The following AP2M1 variants were observed in gnomAD, a reference collection of about 807,000 sequenced individuals.
AP2M1 encodes AP-2 complex subunit mu.
A neutral mutation model predicts 54.5 loss-of-function variants in AP2M1; 5 were observed. The ratio of observed to expected loss-of-function variants is 0.09; its 90% confidence interval spans 0.05 to 0.19. The LOEUF is 0.19. Among genes scored for constraint, AP2M1 ranks in the 10% least tolerant of loss-of-function variants. The pLI is 1.00. For synonymous variants in AP2M1, 186 were observed against 208.2 expected, an observed-to-expected ratio of 0.89 and a Z score of 0.92; for missense variants, 178 against 580.2, an observed-to-expected ratio of 0.31 and a Z score of 7.12.
chr3:184,181,496 T>C lies in AP2M1; in HGVS notation c.708-200T>C, dbSNP rs184664482. On this transcript the variant is annotated intron_variant, in intron 7 of 11. Transcript: ENST00000292807. This position sits in a 1 kb window ranked among gnomAD's most constrained non-coding sequence, Gnocchi z 5.7. ...GCCCAGTGTGCCTGAAACACCCAGG[T>C]CCCTAGCAGAAGGAGCCCCAAGAGA... 9.4e-6 allele frequency: 8 copies of C among 848,328 alleles called. No individual in the cohort carries two copies. The Admixed American group carries it at 2.2e-4, about 24-fold the overall frequency. The allele number at this position is 848,328 out of a possible 1,614,324, so 52.6% of individuals were successfully genotyped here.
At position 184,182,582 on chromosome 3, in the gene AP2M1, G is replaced by T. The variant is rs114090302; in HGVS notation, c.1062-175G>T. ...GTCTAGGCAGAAACTGCATCCTGTTGTTCTAAAGAAGTAGACCCAAGTTTC... is the reference window on the plus strand; with the variant it reads ...GTCTAGGCAGAAACTGCATCCTGTTTTTCTAAAGAAGTAGACCCAAGTTTC... On this transcript the variant is annotated intron_variant, in intron 10 of 11. Transcript: ENST00000292807. The surrounding 1 kb of genome is among the most constrained non-coding windows in gnomAD (Gnocchi z 5.5). 0.026 allele frequency among the ~76,000 whole-genome samples: 3,920 copies of T among 152,208 alleles called. 67 individuals are homozygous for T. Among genetic ancestry groups the T allele is most frequent in the Middle Eastern group, 0.062 (18 of 292 alleles).
At chr3:184,177,446 C>A in intron 2 of AP2M1, 1 of 1,183,552 alleles carries the variant, frequency 8.4e-7, no homozygotes, top group Non-Finnish European at 1.2e-6. Flanking sequence ...TCCATCTAAG[C>A]CTTGCTCTCA....
Position 184,182,286 on chromosome 3 carries a change from G to A in AP2M1, c.1061+38G>A. 6.3e-7 allele frequency: 1 copy of A among 1,599,676 alleles called. No individual in the cohort carries two copies. The highest frequency in any genetic ancestry group is 8.5e-7 in the Non-Finnish European group (1 of 1,171,286). Reference sequence around the variant, plus strand: ...TTCATTAGGCCACAGCAGGGCTCAAGATCCCAGTATACCCTCTTGTTTTCA... The same window carrying A: ...TTCATTAGGCCACAGCAGGGCTCAAAATCCCAGTATACCCTCTTGTTTTCA... On this transcript the variant is annotated intron_variant, in intron 10 of 11. Transcript: ENST00000292807. This position sits in a 1 kb window ranked among gnomAD's most constrained non-coding sequence, Gnocchi z 5.5.
chr3:184,179,725 A>C (rs1319743170), intron 3 of AP2M1, among the ~76,000 whole-genome samples: 3 of 149,328 alleles, frequency 2.0e-5, no homozygotes, highest in Non-Finnish European at 4.4e-5. Flanking sequence ...CAGTGGTGCA[A>C]TTGCAGCTTA....
At chr3:184,176,691 T>A (rs1715084739) in intron 1 of AP2M1, 2 of 455,808 alleles carry the variant, frequency 4.4e-6, no homozygotes, top group Non-Finnish European at 7.7e-6. Flanking sequence ...CGGGGGTTAC[T>A]GATGCTCAGC....
At chr3:184,177,109 C>T (rs556151421) in intron 2 of AP2M1, 42 bp downstream of exon 2, 1 of 1,577,256 alleles carries the variant, frequency 6.3e-7, no homozygotes. Flanking sequence ...ACCACTCCAG[C>T]CCCCCAGCCC....
rs747675284 is a variant in AP2M1 at position 184,178,911 on chromosome 3, G to T, written c.129G>T (p.Val43=). The T allele has an allele frequency of 4.3e-6, 7 of 1,614,060 alleles. No individual in the cohort carries two copies. The Admixed American group carries it at 6.7e-5, about 15-fold the overall frequency. ...ATGTTATCCATGCCCGGCAGCAGGT[G>T]CGCAGCCCCGTCACCAACATTGCTC... ...RVNVIHARQQ[V]RSPVTNIART... is the part of the protein sequence containing the mutation. The change falls in exon 3 of 12, where the codon GTG becomes GTT. Residue 43 remains valine (V), a synonymous_variant. Transcript: ENST00000292807. The surrounding 1 kb of genome is among the most constrained non-coding windows in gnomAD (Gnocchi z 4.9).
chr3:184,177,919 C>T (rs1715129888), intron 2 of AP2M1: 3 of 598,204 alleles, frequency 5.0e-6, no homozygotes, highest in South Asian at 4.0e-5. Flanking sequence ...TGGCTTGGCC[C>T]TTGCGGGCGT....
In AP2M1 at chr3:184,180,255, C is replaced by T. The variant is rs372570685; in HGVS notation, c.423+4C>T. ...GCAGCAGGGCATCAAGAGTCAGGTA[C>T]TTGAATTGTGCAGACTATAGTCAGG... On this transcript the variant is annotated splice_donor_region_variant and intron_variant, in intron 4 of 11. Transcript: ENST00000292807. The surrounding 1 kb of genome is among the most constrained non-coding windows in gnomAD (Gnocchi z 4.9). The T allele has an allele frequency of 1.3e-4, 215 of 1,614,076 alleles. 3 individuals carry two copies. The South Asian group carries it at 2.3e-3, about 17-fold the overall frequency.
chr3:184,182,270 C>CT lies in AP2M1; in HGVS notation c.1061+22_1061+23insT, dbSNP rs758726847. On this transcript the variant is annotated intron_variant, in intron 10 of 11. Coordinates refer to ENST00000292807, the MANE Select transcript of AP2M1 (RefSeq NM_004068.4). The surrounding 1 kb of genome is among the most constrained non-coding windows in gnomAD (Gnocchi z 5.5). ...GGAAGTGAGTCTTTCCTTCATTAGG[C>CT]CACAGCAGGGCTCAAGATCCCAGTA... 10 of 1,610,314 alleles carry CT rather than the reference C, an allele frequency of 6.2e-6. No homozygotes were observed. The Admixed American group carries it at 8.4e-5, about 13-fold the overall frequency.
chr3:184,183,740 C>A lies in AP2M1; in HGVS notation c.*124C>A. On this transcript the variant is annotated 3_prime_UTR_variant, in exon 12 of 12. Transcript: ENST00000292807. The surrounding 1 kb of genome is among the most constrained non-coding windows in gnomAD (Gnocchi z 5.7). The stretch of plus-strand genomic sequence containing the variant: ...CTTTGCTGCCTTCCCTTTGCACCAG[C>A]CCGAGTCTAGGTCTGGGCCAAGCAC... 1.7e-6 allele frequency: 2 copies of A among 1,200,088 alleles called. No homozygotes were observed. Among genetic ancestry groups the A allele is most frequent in the Non-Finnish European group, 2.3e-6 (2 of 858,960 alleles). The allele number at this position is 1,200,088 out of a possible 1,614,324, so 74.3% of individuals were successfully genotyped here.
Position 184,178,837 on chromosome 3 carries a change from T to C in AP2M1, c.75-20T>C. 1 of 1,612,562 alleles carries C rather than the reference T, an allele frequency of 6.2e-7. No homozygotes were observed. Among genetic ancestry groups the C allele is most frequent in the Non-Finnish European group, 8.5e-7 (1 of 1,179,310 alleles). On this transcript the variant is annotated intron_variant, in intron 2 of 11. Transcript: ENST00000292807. The surrounding 1 kb of genome is among the most constrained non-coding windows in gnomAD (Gnocchi z 4.9). ...GTTCACCTGGGTGCTGAGCAGGCCCTATGCACTCTTTTCCCTCAGGAGGAA... is the reference window on the plus strand; with the variant it reads ...GTTCACCTGGGTGCTGAGCAGGCCCCATGCACTCTTTTCCCTCAGGAGGAA...
At position 184,178,100 on chromosome 3, in the gene AP2M1, C is replaced by A; in HGVS notation, c.75-757C>A. On this transcript the variant is annotated intron_variant, in intron 2 of 11. Coordinates refer to ENST00000292807, the MANE Select transcript of AP2M1 (RefSeq NM_004068.4). This position sits in a 1 kb window ranked among gnomAD's most constrained non-coding sequence, Gnocchi z 4.9. ...GCCTTGCCTGTCTTGTCTGCTTCTG[C>A]CTCACGGTGTGTGCCGCCCTCCCGG... 1 of 1,281,486 alleles carries A rather than the reference C, an allele frequency of 7.8e-7. No homozygotes were observed. Among genetic ancestry groups the A allele is most frequent in the Non-Finnish European group, 1.1e-6 (1 of 915,918 alleles). 79.4% of individuals were successfully genotyped at this position (1,281,486 alleles called of 1,614,324 possible). A position where few individuals can be genotyped will look rare whatever the true frequency, so the allele number is the denominator to read the frequency against.
chr3:184,183,969 C>T lies in AP2M1; in HGVS notation c.*353C>T, dbSNP rs943460691. The T allele has an allele frequency of 4.0e-5, 10 of 248,884 alleles. No individual in the cohort carries two copies. Among genetic ancestry groups the T allele is most frequent in the African/African-American group, 1.7e-4 (8 of 46,020 alleles). The allele number at this position is 248,884 out of a possible 1,614,324, so 15.4% of individuals were successfully genotyped here. A position where few individuals can be genotyped will look rare whatever the true frequency, so the allele number is the denominator to read the frequency against. On this transcript the variant is annotated 3_prime_UTR_variant, in exon 12 of 12. Transcript: ENST00000292807. This position sits in a 1 kb window ranked among gnomAD's most constrained non-coding sequence, Gnocchi z 5.7. ...GTTGGTTGCCCCTCACCTCAGAGCT[C>T]CCCCAAAGGCCAGTAATGGATCCCC...
At chr3:184,176,738 T>C (rs1560125075) in intron 1 of AP2M1, 1 of 486,216 alleles carries the variant, frequency 2.1e-6, no homozygotes, top group East Asian at 3.4e-5. Context: ...CTTAGAATCC[T>C]GGGCCTAATC....
In AP2M1 at chr3:184,183,703, T is replaced by A. The variant is rs1285841873; in HGVS notation, c.*87T>A. On this transcript the variant is annotated 3_prime_UTR_variant, in exon 12 of 12. Transcript: ENST00000292807. This position sits in a 1 kb window ranked among gnomAD's most constrained non-coding sequence, Gnocchi z 5.7. ...CCCTCCCCCACCACACATCAGTGTCTCCTCCCTCCTGCTTTGCTGCCTTCC... is the reference window on the plus strand; with the variant it reads ...CCCTCCCCCACCACACATCAGTGTCACCTCCCTCCTGCTTTGCTGCCTTCC... The A allele has an allele frequency of 2.0e-5, 29 of 1,443,922 alleles. No homozygotes were observed. The highest frequency in any genetic ancestry group is 2.8e-5 in the Non-Finnish European group (29 of 1,051,618). The allele number at this position is 1,443,922 out of a possible 1,614,324, so 89.4% of individuals were successfully genotyped here.
chr3:184,178,964 C>A lies in AP2M1; in HGVS notation c.182C>A (p.Ser61Tyr). The part of the protein sequence containing the change: ...ARTSFFHVKR[S>Y]NIWLAAVTKQ... ...ACCAGCTTCTTCCACGTTAAGCGGT[C>A]CAACATTTGGCTGGCAGCAGTCACC... Residue 61 changes from serine (S) to tyrosine (Y), a missense_variant, in exon 3 of 12, where the codon TCC becomes TAC. Physicochemically the swap from Ser to Tyr is moderately radical, Grantham distance 144. This residue lies in a region of AP2M1 where 115 missense variants were observed against 331.2 expected (regional missense o/e 0.35). Transcript: ENST00000292807. This position sits in a 1 kb window ranked among gnomAD's most constrained non-coding sequence, Gnocchi z 4.9. 6.2e-7 allele frequency: 1 copy of A among 1,614,186 alleles called. No homozygotes were observed. The highest frequency in any genetic ancestry group is 1.1e-5 in the South Asian group (1 of 91,070).
intron 1 of AP2M1, 109 bp from the exon 2 acceptor site, chr3:184,176,842 T>A: frequency 1.4e-6 from 1 of 696,138 alleles, no homozygotes; most frequent in Non-Finnish European, 2.3e-6. Context: ...GCAGGGTCAC[T>A]TACTAAAGGG....
Position 184,180,022 on chromosome 3 carries a change from C to A in AP2M1, c.341-147C>A. The A allele has an allele frequency of 1.4e-6, 1 of 707,460 alleles. No homozygotes were observed. The highest frequency in any genetic ancestry group is 2.4e-6 in the Non-Finnish European group (1 of 419,964). 43.8% of individuals were successfully genotyped at this position (707,460 alleles called of 1,614,324 possible). On this transcript the variant is annotated intron_variant, in intron 3 of 11. Coordinates refer to ENST00000292807, the MANE Select transcript of AP2M1 (RefSeq NM_004068.4). This position sits in a 1 kb window ranked among gnomAD's most constrained non-coding sequence, Gnocchi z 4.9. ...TTGTTTTCCTGTAAAGCACAAATCA[C>A]AGAATAAATGCTACAAAGCTAGAAG...
Sources: allele counts gnomAD v4.1 joint callset (sites outside exome capture counted in the v4.1 genomes callset), GRCh38; gene constraint gnomAD v4.1.1; regional missense constraint gnomAD v4.1.1; non-coding constraint Gnocchi (gnomAD v3.1); transcripts MANE v1.5; gene names NCBI Gene and HGNC (gene_info 2026-07-23, HGNC 2026-07-21).